The following MSH4 variants were observed in gnomAD, a reference collection of about 807,000 sequenced individuals.
The protein encoded by MSH4 is mutS protein homolog 4.
A neutral mutation model predicts 113.7 loss-of-function variants in MSH4; 106 were observed. That is an observed-to-expected ratio of 0.93 (90% CI 0.80 to 1.10). MSH4 has a LOEUF of 1.10. Among genes scored for constraint, MSH4 ranks in the 50% least tolerant of loss-of-function variants. MSH4 has a pLI of 0.00. For synonymous variants in MSH4, 368 were observed against 380.2 expected (o/e 0.97, Z 0.37); for missense variants, 1,061 against 1,093.7 (o/e 0.97, Z 0.42).
chr1:75,902,779 T>A (rs1652539208), intron 19 of MSH4, among the ~76,000 whole-genome samples: 1 of 115,302 alleles, frequency 8.7e-6, no homozygotes, highest in South Asian at 2.9e-4. Flanking sequence ...TTGAACTAAT[T>A]TACATTCCCA....
In MSH4 at chr1:75,852,732, A is replaced by G. The variant is rs542846843; in HGVS notation, c.1230+4456A>G. Among the ~76,000 whole-genome samples, 9 of 152,212 alleles carry G rather than the reference A, an allele frequency of 5.9e-5. No homozygotes were observed. In the South Asian group the frequency reaches 1.9e-3, roughly 32 times the overall value. The stretch of plus-strand genomic sequence containing the variant: ...TGGGTTGTTTGTATTTTTATTACTG[A>G]GTTGTGAGAGTTCTTTATATATTTT... On this transcript the variant is annotated intron_variant, in intron 8 of 19. Coordinates refer to ENST00000263187, the MANE Select transcript of MSH4 (RefSeq NM_002440.4).
chr1:75,899,698 C>A lies in MSH4; in HGVS notation c.2611C>A (p.Gln871Lys), dbSNP rs757163263. 1.3e-5 allele frequency: 19 copies of A among 1,491,128 alleles called. No individual in the cohort carries two copies. Among genetic ancestry groups the A allele is most frequent in the East Asian group, 2.6e-5 (1 of 37,998 alleles). 92.4% of individuals were successfully genotyped at this position (1,491,128 alleles called of 1,614,324 possible). A position where few individuals can be genotyped will look rare whatever the true frequency, so the allele number is the denominator to read the frequency against. The stretch of plus-strand genomic sequence containing the variant: ...GGAAATCACAACTCAAATTACGAGA[C>A]AAATTTTGGTAAGAAACTTTGTTCT... ...AKEITTQITR[Q>K]ILQNQRSTPE... The change falls in exon 19 of 20, where the codon CAA becomes AAA. Residue 871 changes from glutamine to lysine, a missense_variant. By Grantham distance (53) the Gln-to-Lys change is moderately conservative (BLOSUM62 1). Transcript: ENST00000263187.
intron 2 of MSH4, among the ~76,000 whole-genome samples, chr1:75,805,787 T>C (rs1257993472): frequency 6.6e-6 from 1 of 152,212 alleles, no homozygotes; most frequent in Non-Finnish European, 1.5e-5. Flanking sequence ...TAAGCCAATC[T>C]TACTCTATCC....
At chr1:75,907,323 T>C (rs995014803) in intron 19 of MSH4, among the ~76,000 whole-genome samples, 1 of 152,062 alleles carries the variant, frequency 6.6e-6, no homozygotes, top group African/African-American at 2.4e-5. Context: ...TTTGAATCTG[T>C]TATTCCACTC....
intron 7 of MSH4, among the ~76,000 whole-genome samples, chr1:75,844,091 G>C (rs1042063987): frequency 9.2e-5 from 14 of 152,104 alleles, no homozygotes; most frequent in African/African-American, 3.4e-4. Flanking sequence ...GATTACAGGC[G>C]TAAGCCACCA....
At position 75,897,940 on chromosome 1, in the gene MSH4, C is replaced by A; in HGVS notation, c.2389C>A (p.Leu797Ile). The change falls in exon 18 of 20, where the codon CTA becomes ATA. Residue 797 changes from leucine (L) to isoleucine (I), a missense_variant. By Grantham distance (5) the Leu-to-Ile change is conservative. Coordinates refer to ENST00000263187, the MANE Select transcript of MSH4 (RefSeq NM_002440.4). ...FTLFATHFLE[L>I]CHIDALYPNV... is the part of the protein sequence containing the mutation. ...ACTGTTTGCTACACATTTCCTGGAA[C>A]TATGCCATATTGATGCCCTGTATCC... 1 of 1,583,914 alleles carries A rather than the reference C, an allele frequency of 6.3e-7. No homozygotes were observed. Among genetic ancestry groups the A allele is most frequent in the East Asian group, 2.3e-5 (1 of 43,584 alleles).
chr1:75,861,311 G>T (rs1651450970), intron 8 of MSH4, among the ~76,000 whole-genome samples: 1 of 152,210 alleles, frequency 6.6e-6, no homozygotes, highest in African/African-American at 2.4e-5. Flanking sequence ...CCTTGCTGGT[G>T]AGGAGTTGTG....
intron 17 of MSH4, among the ~76,000 whole-genome samples, chr1:75,893,844 A>C (rs927659920): frequency 6.6e-6 from 1 of 152,210 alleles, no homozygotes; most frequent in Non-Finnish European, 1.5e-5. Context: ...CCAGGTGTGC[A>C]TTTAATGTTG....
At chr1:75,821,194 T>C (rs933627777) in intron 6 of MSH4, among the ~76,000 whole-genome samples, 23 of 151,290 alleles carry the variant, frequency 1.5e-4, no homozygotes, top group Admixed American at 5.3e-4. Context: ...ACAGAAATTA[T>C]AACAAACTGT....
At chr1:75,826,970 G>A (rs1650567081) in intron 7 of MSH4, among the ~76,000 whole-genome samples, 1 of 152,132 alleles carries the variant, frequency 6.6e-6, no homozygotes, top group African/African-American at 2.4e-5. Flanking sequence ...ATGTCTATTA[G>A]GTCCACTTGG....
rs747669347 is a variant in MSH4, at chr1:75,822,395, T to C, written c.990-14T>C. 12 of 1,518,484 alleles carry C rather than the reference T, an allele frequency of 7.9e-6. No individual in the cohort carries two copies. Among genetic ancestry groups the C allele is most frequent in the Non-Finnish European group, 1.1e-5 (12 of 1,133,918 alleles). 94.1% of individuals were successfully genotyped at this position (1,518,484 alleles called of 1,614,324 possible). On this transcript the variant is annotated splice_polypyrimidine_tract_variant and intron_variant, in intron 6 of 19. Transcript: ENST00000263187. ...TTCTTTGTATTCTTACTGACATTTC[T>C]TGTGTTTTGAAAGGAATAATCACAC... is the stretch of plus-strand genomic sequence containing the variant.
At position 75,797,226 on chromosome 1, in the gene MSH4, C is replaced by T; in HGVS notation, c.241C>T (p.Gln81Ter). Reference sequence around the variant, plus strand: ...CCCCGCGCCAAACTCCCGGCCAGCTCAAGGCAAGGAGTGATTGGGTGGAGG... The same window carrying T: ...CCCCGCGCCAAACTCCCGGCCAGCTTAAGGCAAGGAGTGATTGGGTGGAGG... ...PCPAPNSRPA[Q>*]GSYFGNKRAY... The change falls in exon 1 of 20, where the codon CAA (glutamine) becomes TAA (stop). Residue 81 changes from glutamine to a stop codon, truncating the protein, a stop_gained. Coordinates refer to ENST00000263187, the MANE Select transcript of MSH4 (RefSeq NM_002440.4). LOFTEE classifies it high-confidence loss of function. 1 of 1,603,806 alleles carries T rather than the reference C, an allele frequency of 6.2e-7. No homozygotes were observed. The highest frequency in any genetic ancestry group is 8.5e-7 in the Non-Finnish European group (1 of 1,175,740).
At chr1:75,845,613 G>C (rs955523763) in intron 7 of MSH4, among the ~76,000 whole-genome samples, 1 of 152,154 alleles carries the variant, frequency 6.6e-6, no homozygotes, top group African/African-American at 2.4e-5. Flanking sequence ...CAGCGTCAGG[G>C]CTTAGTCCAC....
At chr1:75,848,298 G>A (rs201167863) in intron 8 of MSH4, 22 bp downstream of exon 8, 2 of 1,462,764 alleles carry the variant, frequency 1.4e-6, no homozygotes, top group Non-Finnish European at 1.9e-6. Flanking sequence ...TATACATTTT[G>A]TATTATATTA....
chr1:75,850,341 G>T (rs1570966495), intron 8 of MSH4, among the ~76,000 whole-genome samples: 1 of 152,008 alleles, frequency 6.6e-6, no homozygotes, highest in African/African-American at 2.4e-5. Flanking sequence ...CACAATTTTA[G>T]ATATGTTGTG....
intron 14 of MSH4, among the ~76,000 whole-genome samples, chr1:75,882,890 T>C (rs1484657541): frequency 6.6e-6 from 1 of 152,100 alleles, no homozygotes; most frequent in Non-Finnish European, 1.5e-5. Context: ...TGAAATAATA[T>C]TAAAGTAGGG....
intron 7 of MSH4, among the ~76,000 whole-genome samples, chr1:75,823,137 ACAGGTTTGT>A (rs1379504423): frequency 6.6e-6 from 1 of 152,186 alleles, no homozygotes; most frequent in Non-Finnish European, 1.5e-5. Flanking sequence ...GCCTTGGCTC[ACAGGTTTGT>A]CATTGCAATC....
chr1:75,906,126 G>A (rs1381889763), intron 19 of MSH4, among the ~76,000 whole-genome samples: 1 of 151,556 alleles, frequency 6.6e-6, no homozygotes, highest in African/African-American at 2.4e-5. Context: ...AAGTAGCTGG[G>A]ATTACAGGCA....
chr1:75,816,225 C>T (rs1273605571), intron 5 of MSH4, 148 bp from the exon 6 acceptor site: 8 of 417,438 alleles, frequency 1.9e-5, no homozygotes, highest in African/African-American at 4.1e-5. Context: ...GGTTATTTAC[C>T]TAGTTTTCAA....
Sources: gnomAD v4.1 joint callset for allele counts (sites outside exome capture counted in the v4.1 genomes callset) on GRCh38, gnomAD v4.1.1 for gene constraint, MANE v1.5 for transcripts, NCBI Gene and HGNC (gene_info 2026-07-23, HGNC 2026-07-21) for gene names.